Variants in SMYD3 observed in about 807,000 individuals in gnomAD.
SMYD3 encodes the protein SET and MYND domain containing 3.
A neutral mutation model predicts 57.7 loss-of-function variants in SMYD3; 36 were observed. The observed-to-expected ratio is 0.62, with a 90% CI of 0.48 to 0.82. SMYD3 has a LOEUF of 0.82. Among genes scored for constraint, SMYD3 ranks in the 40% least tolerant of loss-of-function variants. The pLI is 0.00. For missense variants in SMYD3, 515 were observed against 538.8 expected, an observed-to-expected ratio of 0.96 and a Z score of 0.44; for synonymous variants, 211 against 195.0, an observed-to-expected ratio of 1.08 and a Z score of -0.68.
chr1:245,877,721 C>A (rs536777498), intron 8 of SMYD3, among the ~76,000 whole-genome samples: 1 of 152,130 alleles, frequency 6.6e-6, no homozygotes, highest in Non-Finnish European at 1.5e-5. Context: ...CGAAGCCTTC[C>A]GGTGAGATGG....
chr1:246,233,532 A>G (rs1184583758), intron 5 of SMYD3, among the ~76,000 whole-genome samples: 1 of 142,530 alleles, frequency 7.0e-6, no homozygotes, highest in Non-Finnish European at 1.5e-5. Flanking sequence ...ACAGAGGAGA[A>G]GCACTCCTTC....
At chr1:246,486,725 A>G (rs185603689) in intron 1 of SMYD3, among the ~76,000 whole-genome samples, 65 of 152,334 alleles carry the variant, frequency 4.3e-4, no homozygotes, top group Middle Eastern at 3.4e-3. Flanking sequence ...ATTTTTCAGT[A>G]TACCATGTAG....
chr1:245,929,438 T>C (rs1161847875), intron 6 of SMYD3, among the ~76,000 whole-genome samples: 2 of 152,202 alleles, frequency 1.3e-5, no homozygotes, highest in Non-Finnish European at 2.9e-5. Context: ...GCCTGAGAGT[T>C]TTCTTGCCTC....
chr1:245,876,250 G>GCCTA (rs2052477511), intron 8 of SMYD3, among the ~76,000 whole-genome samples: 1 of 152,174 alleles, frequency 6.6e-6, no homozygotes, highest in African/African-American at 2.4e-5. Flanking sequence ...TGCTGTAAGG[G>GCCTA]CCTAGTAAGG....
intron 5 of SMYD3, among the ~76,000 whole-genome samples, chr1:246,256,302 C>T (rs1558354343): frequency 6.6e-6 from 1 of 152,068 alleles, no homozygotes; most frequent in African/African-American, 2.4e-5. Context: ...CTGCCTTCCC[C>T]AGCCCACTGA....
chr1:246,411,993 A>C (rs965507699), intron 1 of SMYD3, among the ~76,000 whole-genome samples: 3 of 147,660 alleles, frequency 2.0e-5, no homozygotes, highest in Admixed American at 6.8e-5. Flanking sequence ...AAAAAAAAAA[A>C]CTTAAGGTAC....
At chr1:246,195,110 A>G (rs2062811420) in intron 5 of SMYD3, among the ~76,000 whole-genome samples, 1 of 152,198 alleles carries the variant, frequency 6.6e-6, no homozygotes, top group African/African-American at 2.4e-5. Flanking sequence ...ATTTTTGCAC[A>G]TATGACATAA....
At chr1:246,339,525 C>G (rs1347799815) in intron 2 of SMYD3, among the ~76,000 whole-genome samples, 1 of 144,788 alleles carries the variant, frequency 6.9e-6, no homozygotes, top group Non-Finnish European at 1.6e-5. Context: ...CTGAGAAGCC[C>G]AGATCTAAAA....
intron 5 of SMYD3, among the ~76,000 whole-genome samples, chr1:246,068,311 C>T (rs1252350671): frequency 2.0e-5 from 3 of 151,112 alleles, no homozygotes; most frequent in East Asian, 1.9e-4. Flanking sequence ...AGAACACCCA[C>T]GCAGCAAAAA....
intron 5 of SMYD3, among the ~76,000 whole-genome samples, chr1:246,088,664 A>T (rs2060769668): frequency 6.6e-6 from 1 of 152,204 alleles, no homozygotes; most frequent in Non-Finnish European, 1.5e-5. Context: ...TAGTCCAACT[A>T]AAATTTTATT....
chr1:246,474,519 C>CAAAAAAAA, intron 1 of SMYD3, among the ~76,000 whole-genome samples: 1 of 78,832 alleles, frequency 1.3e-5, no homozygotes, highest in Non-Finnish European at 2.6e-5. Flanking sequence ...ACTCCCCTCT[C>CAAAAAAAA]AAAAAAAAAA....
chr1:246,078,147 C>T (rs952216939), intron 5 of SMYD3, among the ~76,000 whole-genome samples: 1 of 151,888 alleles, frequency 6.6e-6, no homozygotes, highest in African/African-American at 2.4e-5. Context: ...AAAATTTCTC[C>T]CCTGCCCCAA....
intron 5 of SMYD3, among the ~76,000 whole-genome samples, chr1:246,318,381 A>T (rs1422131649): frequency 2.0e-5 from 3 of 152,182 alleles, no homozygotes; most frequent in Non-Finnish European, 2.9e-5. Flanking sequence ...TTTAAAAATA[A>T]TTTTTTAATG....
chr1:246,156,195 T>C (rs770574845), intron 5 of SMYD3, among the ~76,000 whole-genome samples: 2 of 152,138 alleles, frequency 1.3e-5, no homozygotes, highest in African/African-American at 2.4e-5. Flanking sequence ...TTCTAGTAAA[T>C]GGAGCTAATA....
chr1:246,393,676 A>T (rs1249736032), intron 1 of SMYD3, among the ~76,000 whole-genome samples: 5 of 19,678 alleles, frequency 2.5e-4, no homozygotes, highest in Non-Finnish European at 5.5e-4. Flanking sequence ...CCCATCTCTA[A>T]AAAAAAAAAA....
At chr1:245,960,066 A>T (rs61839378) in intron 5 of SMYD3, among the ~76,000 whole-genome samples, 24,134 of 152,210 alleles carry the variant, frequency 0.16, 2,232 homozygotes, top group East Asian at 0.41. Flanking sequence ...GGTGTGAGCC[A>T]CATGTGCTCG....
chr1:246,194,489 G>A (rs375060775), intron 5 of SMYD3, among the ~76,000 whole-genome samples: 79 of 152,138 alleles, frequency 5.2e-4, no homozygotes, highest in East Asian at 1.2e-3. Context: ...GGCTGGTCTC[G>A]AACTCCCGAC....
At chr1:246,098,842 G>A (rs1376736540) in intron 5 of SMYD3, among the ~76,000 whole-genome samples, 5 of 152,068 alleles carry the variant, frequency 3.3e-5, no homozygotes, top group South Asian at 2.1e-4. Context: ...ACACACATTT[G>A]TAATCCTTTC....
chr1:246,281,859 C>T (rs951069451), intron 5 of SMYD3, among the ~76,000 whole-genome samples: 2 of 152,186 alleles, frequency 1.3e-5, no homozygotes, highest in South Asian at 4.1e-4. Context: ...GTCAATACAG[C>T]TCATACTACC....
Sources: gnomAD v4.1 joint callset for allele counts (sites outside exome capture counted in the v4.1 genomes callset) on GRCh38, gnomAD v4.1.1 for gene constraint, MANE v1.5 for transcripts, NCBI Gene and HGNC (gene_info 2026-07-23, HGNC 2026-07-21) for gene names.